Variants in CACNA2D3 observed in about 807,000 individuals in gnomAD.
The protein encoded by CACNA2D3 is voltage-dependent calcium channel subunit alpha-2/delta-3.
In CACNA2D3, 60 loss-of-function variants were observed where a neutral mutation model predicts 160.6. The ratio of observed to expected loss-of-function variants is 0.37; its 90% CI spans 0.30 to 0.46. CACNA2D3 has a LOEUF of 0.46. CACNA2D3 is among the 20% of genes least tolerant of loss of function. The probability of loss-of-function intolerance (pLI) is 1.00; values close to 1 mark genes in which losing one functional copy is unlikely to be tolerated. For missense variants in CACNA2D3, 1,205 were observed against 1,365.0 expected (o/e 0.88, Z 1.85); for synonymous variants, 558 against 492.9 (o/e 1.13, Z -1.75).
At chr3:54,815,887 A>G (rs1200793242) in intron 13 of CACNA2D3, among the ~76,000 whole-genome samples, 1 of 152,196 alleles carries the variant, frequency 6.6e-6, no homozygotes, top group African/African-American at 2.4e-5. Context: ...TAATTCTTAG[A>G]TTGGGTATTT....
intron 17 of CACNA2D3, among the ~76,000 whole-genome samples, chr3:54,867,439 A>T (rs551823731): frequency 6.6e-6 from 1 of 152,012 alleles, no homozygotes; most frequent in East Asian, 1.9e-4. Context: ...TTTAAAAGCC[A>T]TTCATTTGAA....
intron 27 of CACNA2D3, among the ~76,000 whole-genome samples, chr3:54,915,519 G>A (rs545330327): frequency 4.7e-4 from 71 of 152,310 alleles, no homozygotes; most frequent in South Asian, 3.3e-3. Flanking sequence ...TATGACAGCA[G>A]CAATAAACAG....
intron 4 of CACNA2D3, among the ~76,000 whole-genome samples, chr3:54,472,248 CA>C (rs1284888372): frequency 6.6e-6 from 1 of 152,296 alleles, no homozygotes; most frequent in East Asian, 1.9e-4. Flanking sequence ...TCAACATACA[CA>C]AATCAATAAA....
intron 11 of CACNA2D3, among the ~76,000 whole-genome samples, chr3:54,749,233 G>C (rs1430218848): frequency 1.3e-5 from 2 of 152,134 alleles, no homozygotes; most frequent in Admixed American, 6.5e-5. Context: ...CCCACAACTT[G>C]CTTTTTACCT....
At chr3:54,605,523 C>G (rs1009779798) in intron 9 of CACNA2D3, among the ~76,000 whole-genome samples, 2 of 152,194 alleles carry the variant, frequency 1.3e-5, no homozygotes, top group African/African-American at 2.4e-5. Context: ...CCTGACCACC[C>G]AACCACAGCA....
At chr3:54,271,660 A>G (rs1702624411) in intron 2 of CACNA2D3, among the ~76,000 whole-genome samples, 1 of 152,084 alleles carries the variant, frequency 6.6e-6, no homozygotes, top group Admixed American at 6.5e-5. Flanking sequence ...CCCTTGTTCT[A>G]CCAAGTTACT....
intron 27 of CACNA2D3, among the ~76,000 whole-genome samples, chr3:54,938,022 G>A (rs1261536586): frequency 6.6e-6 from 1 of 152,204 alleles, no homozygotes; most frequent in Non-Finnish European, 1.5e-5. Flanking sequence ...GAGGTAAAGA[G>A]GATGTTGATT....
In CACNA2D3 at chr3:54,452,524, A is replaced by T. The variant is rs543911921; in HGVS notation, c.382-50968A>T. Among the ~76,000 whole-genome samples, 33 of 152,230 alleles carry T rather than the reference A, an allele frequency of 2.2e-4. 1 individual carries two copies. The South Asian group carries it at 6.8e-3, about 32-fold the overall frequency. On this transcript the variant is annotated intron_variant, in intron 4 of 37. Transcript: ENST00000474759. Reference sequence around the variant, plus strand: ...CACTGGAATTGTCTTTAATGTCTGTATTTCTCCCAGCAGTCTCTTTAAAGC... The same window carrying T: ...CACTGGAATTGTCTTTAATGTCTGTTTTTCTCCCAGCAGTCTCTTTAAAGC...
chr3:54,850,758 A>G (rs1320208142), intron 17 of CACNA2D3, among the ~76,000 whole-genome samples: 1 of 152,244 alleles, frequency 6.6e-6, no homozygotes, highest in Non-Finnish European at 1.5e-5. Context: ...ACTCATTTCC[A>G]TGAAGCCTGC....
chr3:54,832,600 TATAAACCCTGAC>T (rs1156988602), intron 14 of CACNA2D3, among the ~76,000 whole-genome samples: 1 of 152,218 alleles, frequency 6.6e-6, no homozygotes, highest in Non-Finnish European at 1.5e-5. Flanking sequence ...GAATCTGTCA[TATAAACCCTGAC>T]AGATATTGAT....
chr3:54,580,190 A>G (rs1028309333), intron 8 of CACNA2D3, among the ~76,000 whole-genome samples: 1 of 151,984 alleles, frequency 6.6e-6, no homozygotes, highest in Non-Finnish European at 1.5e-5. Flanking sequence ...TGCTTGCCAA[A>G]CGGTGCTAAG....
chr3:54,981,866 G>C (rs1444658701), intron 29 of CACNA2D3, among the ~76,000 whole-genome samples: 1 of 152,210 alleles, frequency 6.6e-6, no homozygotes, highest in African/African-American at 2.4e-5. Flanking sequence ...TCAACTTGTT[G>C]CCTCTGGGCA....
intron 13 of CACNA2D3, among the ~76,000 whole-genome samples, chr3:54,801,045 G>C (rs2106670749): frequency 6.6e-6 from 1 of 150,722 alleles, no homozygotes; most frequent in South Asian, 2.1e-4. Context: ...GGAGTGCAGT[G>C]GTATGATCTC....
intron 13 of CACNA2D3, among the ~76,000 whole-genome samples, chr3:54,801,991 T>G (rs991536823): frequency 2.6e-5 from 4 of 152,198 alleles, no homozygotes; most frequent in Admixed American, 2.6e-4. Flanking sequence ...CAGCAAAAAT[T>G]AGAATGAGGA....
rs144524724 is a variant in CACNA2D3 at position 54,747,231 on chromosome 3, A to G, written c.1168-5368A>G. Among the ~76,000 whole-genome samples the G allele has an allele frequency of 3.1e-3, 467 of 152,030 alleles. 2 individuals are homozygous for G. The highest frequency in any genetic ancestry group is 0.01 in the African/African-American group (427 of 41,460). ...TATCCCTGGGCCTACTTTATTCTGA[A>G]CCTCGGGAGGGTGGGTGCTATGACT... On this transcript the variant is annotated intron_variant, in intron 11 of 37. Transcript: ENST00000474759.
At chr3:54,411,124 T>G (rs182582301) in intron 4 of CACNA2D3, among the ~76,000 whole-genome samples, 1 of 152,288 alleles carries the variant, frequency 6.6e-6, no homozygotes, top group Non-Finnish European at 1.5e-5. Context: ...GTTTAATGAA[T>G]GAGAAGCTGA....
chr3:54,752,579 T>A lies in CACNA2D3; in HGVS notation c.1168-20T>A. The A allele has an allele frequency of 6.3e-7, 1 of 1,598,066 alleles. No individual in the cohort carries two copies. The highest frequency in any genetic ancestry group is 8.6e-7 in the Non-Finnish European group (1 of 1,166,606). Reference sequence around the variant, plus strand: ...GCGAAAAGTGAATGCCGCTCAGCCATGCGTTTGTCTTCCCTTCAGGTTCGC... The same window carrying A: ...GCGAAAAGTGAATGCCGCTCAGCCAAGCGTTTGTCTTCCCTTCAGGTTCGC... On this transcript the variant is annotated intron_variant, in intron 11 of 37. Transcript: ENST00000474759.
intron 11 of CACNA2D3, among the ~76,000 whole-genome samples, chr3:54,651,561 C>T (rs1384971892): frequency 6.6e-6 from 1 of 151,914 alleles, no homozygotes; most frequent in Non-Finnish European, 1.5e-5. Flanking sequence ...AAAGGGATGC[C>T]CTTGATCATG....
At chr3:54,960,044 A>G (rs1449067523) in intron 27 of CACNA2D3, among the ~76,000 whole-genome samples, 1 of 151,742 alleles carries the variant, frequency 6.6e-6, no homozygotes. Flanking sequence ...CTACTTTACC[A>G]AAGGTGACAG....
Sources: gnomAD v4.1 joint callset for allele counts (sites outside exome capture counted in the v4.1 genomes callset) on GRCh38, gnomAD v4.1.1 for gene constraint, MANE v1.5 for transcripts, NCBI Gene and HGNC (gene_info 2026-07-23, HGNC 2026-07-21) for gene names.